CBLN2: variants seen among roughly 807,000 people sequenced by gnomAD.
CBLN2 encodes the protein cerebellin 2 precursor.
CBLN2 carries 7 observed loss-of-function variants against 15.0 expected under a neutral mutation model. That is an observed-to-expected ratio of 0.47 (90% CI 0.27 to 0.88). CBLN2 has a LOEUF of 0.88. Among genes scored for constraint, CBLN2 ranks in the 40% least tolerant of loss-of-function variants. CBLN2 has a pLI of 0.14. For missense variants in CBLN2, 242 were observed against 304.5 expected (o/e 0.79, Z 1.53); for synonymous variants, 149 against 135.2 (o/e 1.10, Z -0.71).
intron 1 of CBLN2, among the ~76,000 whole-genome samples, chr18:72,583,645 A>G (rs1599010291): frequency 6.6e-6 from 1 of 152,232 alleles, no homozygotes; most frequent in Admixed American, 6.5e-5. Context: ...GAAGCTTTAA[A>G]AAATGAAAAT....
intron 1 of CBLN2, among the ~76,000 whole-genome samples, chr18:72,628,130 G>A (rs571797907): frequency 6.6e-6 from 1 of 152,258 alleles, no homozygotes; most frequent in Admixed American, 6.5e-5. Flanking sequence ...CATCACATTG[G>A]TCCTGCCTGT....
chr18:72,590,543 A>G (rs749742907), intron 1 of CBLN2, among the ~76,000 whole-genome samples: 10 of 152,250 alleles, frequency 6.6e-5, no homozygotes, highest in Non-Finnish European at 1.3e-4. Flanking sequence ...TATTGTGATA[A>G]TGACTGGGTT....
chr18:72,560,444 T>C (rs2144892447), intron 1 of CBLN2, among the ~76,000 whole-genome samples: 1 of 148,286 alleles, frequency 6.7e-6, no homozygotes, highest in African/African-American at 2.4e-5. Flanking sequence ...ACCTAGAGAA[T>C]TATAGAAAAA....
intron 1 of CBLN2, among the ~76,000 whole-genome samples, chr18:72,622,262 G>C (rs983931868): frequency 6.6e-6 from 1 of 151,898 alleles, no homozygotes; most frequent in African/African-American, 2.4e-5. Context: ...GCATGTCCTT[G>C]TCAAAAGAAC....
At chr18:72,579,896 C>T (rs1324397774) in intron 1 of CBLN2, among the ~76,000 whole-genome samples, 23 of 151,852 alleles carry the variant, frequency 1.5e-4, no homozygotes, top group Non-Finnish European at 4.4e-5. Flanking sequence ...GTCATTTAGT[C>T]TCTGAGTCTT....
At chr18:72,634,247 C>G (rs982529208) in intron 1 of CBLN2, among the ~76,000 whole-genome samples, 2 of 151,934 alleles carry the variant, frequency 1.3e-5, no homozygotes, top group African/African-American at 4.8e-5. Context: ...GTTCTGTAAA[C>G]AGTAAGTTTG....
intron 1 of CBLN2, among the ~76,000 whole-genome samples, chr18:72,593,828 G>A (rs955395030): frequency 2.6e-5 from 4 of 152,116 alleles, no homozygotes; most frequent in African/African-American, 9.6e-5. Context: ...CATATGTCAT[G>A]CATGCATAAG....
chr18:72,601,552 C>T (rs146296408), intron 1 of CBLN2, among the ~76,000 whole-genome samples: 38 of 152,300 alleles, frequency 2.5e-4, no homozygotes, highest in Non-Finnish European at 4.6e-4. Flanking sequence ...GCCCAAGTCA[C>T]GCCATTTCGC....
chr18:72,635,924 A>G (rs1334069012), intron 1 of CBLN2, among the ~76,000 whole-genome samples: 1 of 152,200 alleles, frequency 6.6e-6, no homozygotes, highest in Non-Finnish European at 1.5e-5. Context: ...AAAGGAATGC[A>G]ACATCTGCCT....
At position 72,554,939 on chromosome 18, in the gene CBLN2, C is replaced by T. The variant is rs924504034; in HGVS notation, c.16-16167G>A. Among the ~76,000 whole-genome samples the T allele has an allele frequency of 1.1e-3, 164 of 152,148 alleles. 1 individual carries two copies. The highest frequency in any genetic ancestry group is 3.7e-3 in the African/African-American group (155 of 41,508). On this transcript the variant is annotated intron_variant, in intron 1 of 2. Transcript: ENST00000581073. ...ACACTTGAGATCAGGAGTTCCAGAC[C>T]AGCCTAGCCAACATGGTGAAAACCC...
upstream of CBLN2, among the ~76,000 whole-genome samples, chr18:72,548,059 AG>A (rs1158672994): frequency 6.6e-6 from 1 of 152,202 alleles, no homozygotes; most frequent in Non-Finnish European, 1.5e-5. Flanking sequence ...ACCATCTGAG[AG>A]GCTCTGTTTT....
chr18:72,553,715 C>T (rs967660996), intron 1 of CBLN2, among the ~76,000 whole-genome samples: 16 of 152,092 alleles, frequency 1.1e-4, no homozygotes. Flanking sequence ...ATTTCCTAAT[C>T]CTGGTCATAG....
intron 1 of CBLN2, among the ~76,000 whole-genome samples, chr18:72,616,176 G>T (rs1247489916): frequency 6.6e-6 from 1 of 152,094 alleles, no homozygotes; most frequent in South Asian, 2.1e-4. Flanking sequence ...CCAGAAAGTG[G>T]CTTCTAATAT....
chr18:72,583,284 G>T (rs2069419113), intron 1 of CBLN2, among the ~76,000 whole-genome samples: 1 of 152,200 alleles, frequency 6.6e-6, no homozygotes, highest in Non-Finnish European at 1.5e-5. Flanking sequence ...GCAGCTGTCT[G>T]GGATACCTCA....
intron 1 of CBLN2, among the ~76,000 whole-genome samples, chr18:72,616,815 G>C (rs2069665838): frequency 6.6e-6 from 1 of 151,986 alleles, no homozygotes; most frequent in African/African-American, 2.4e-5. Context: ...AATTCGTCTT[G>C]TGTTTCTGTG....
At chr18:72,561,683 C>T (rs1452799488) in intron 1 of CBLN2, among the ~76,000 whole-genome samples, 1 of 152,210 alleles carries the variant, frequency 6.6e-6, no homozygotes, top group Non-Finnish European at 1.5e-5. Context: ...TACTTCTCAG[C>T]ACTTTATGAC....
chr18:72,578,245 A>G (rs1034355793), intron 1 of CBLN2, among the ~76,000 whole-genome samples: 2 of 152,244 alleles, frequency 1.3e-5, no homozygotes, highest in African/African-American at 4.8e-5. Context: ...CATTTTAACA[A>G]TTCCCATAAC....
At chr18:72,585,701 C>T (rs1349494206) in intron 1 of CBLN2, among the ~76,000 whole-genome samples, 2 of 152,214 alleles carry the variant, frequency 1.3e-5, no homozygotes, top group African/African-American at 4.8e-5. Flanking sequence ...CACCCAGAAG[C>T]CTGTCTGCCT....
chr18:72,549,594 A>G (rs1196691111), intron 1 of CBLN2, among the ~76,000 whole-genome samples: 1 of 152,160 alleles, frequency 6.6e-6, no homozygotes, highest in African/African-American at 2.4e-5. Context: ...TTTTGTGGCT[A>G]CTTTCTCAAG....
Sources: gnomAD v4.1 joint callset for allele counts (sites outside exome capture counted in the v4.1 genomes callset) on GRCh38, gnomAD v4.1.1 for gene constraint, MANE v1.5 for transcripts, NCBI Gene and HGNC (gene_info 2026-07-23, HGNC 2026-07-21) for gene names.